The following CDH18 variants were observed in gnomAD, a reference collection of about 807,000 sequenced individuals.
CDH18 encodes the protein cadherin-18.
In CDH18, 31 loss-of-function variants were observed where a neutral mutation model predicts 67.9. That is an observed-to-expected ratio of 0.46 (90% CI 0.34 to 0.62). The LOEUF is 0.62. Ranked by LOEUF, CDH18 falls within the 20% of genes least tolerant of loss-of-function variation. The pLI, the probability that CDH18 is intolerant of heterozygous loss-of-function variation, is 0.01. For synonymous variants in CDH18, 362 were observed against 347.2 expected (o/e 1.04, Z -0.48); for missense variants, 890 against 975.5 (o/e 0.91, Z 1.17).
chr5:19,921,942 T>C (rs571866175), intron 2 of CDH18, among the ~76,000 whole-genome samples: 1 of 152,110 alleles, frequency 6.6e-6, no homozygotes, highest in South Asian at 2.1e-4. Flanking sequence ...GGATTCTAAA[T>C]CGAAAACCTT....
At chr5:20,059,231 T>A (rs992484938) in intron 2 of CDH18, among the ~76,000 whole-genome samples, 2 of 152,164 alleles carry the variant, frequency 1.3e-5, no homozygotes, top group African/African-American at 4.8e-5. Context: ...TTCTTCTTTA[T>A]TAGTCTGGCT....
intron 3 of CDH18, among the ~76,000 whole-genome samples, chr5:19,779,530 T>A (rs1037496499): frequency 6.6e-6 from 1 of 152,144 alleles, no homozygotes; most frequent in African/African-American, 2.4e-5. Flanking sequence ...GCTTCCATGT[T>A]TGGATGTAGG....
intron 1 of CDH18, among the ~76,000 whole-genome samples, chr5:20,302,554 C>T (rs112365852): frequency 2.0e-5 from 3 of 152,066 alleles, no homozygotes; most frequent in Non-Finnish European, 2.9e-5. Flanking sequence ...CACTGAAAGT[C>T]GAGCAAGAAC....
chr5:19,958,379 CAAAAAAAAAAA>C (rs57913629), intron 2 of CDH18, among the ~76,000 whole-genome samples: 1 of 66,632 alleles, frequency 1.5e-5, no homozygotes, highest in African/African-American at 5.3e-5. Context: ...TTTCCTTCAC[CAAAAAAAAAAA>C]AAAAAAAAAA....
At chr5:20,175,245 G>A (rs1030301916) in intron 2 of CDH18, among the ~76,000 whole-genome samples, 5 of 151,954 alleles carry the variant, frequency 3.3e-5, no homozygotes, top group Non-Finnish European at 7.4e-5. Flanking sequence ...AGGAGGAGGA[G>A]GAAACATAAG....
chr5:19,593,729 C>CTTG (rs1745676177), intron 6 of CDH18, among the ~76,000 whole-genome samples: 6 of 141,280 alleles, frequency 4.2e-5, no homozygotes, highest in African/African-American at 1.4e-4. Context: ...TCTTCTTCTT[C>CTTG]TTCTTCTTCT....
chr5:19,894,915 A>T (rs1204283970), intron 2 of CDH18, among the ~76,000 whole-genome samples: 2 of 152,140 alleles, frequency 1.3e-5, no homozygotes, highest in Middle Eastern at 3.4e-3. Context: ...CTGAAGGTGA[A>T]TTTTTCTCTC....
intron 10 of CDH18, among the ~76,000 whole-genome samples, chr5:19,517,454 G>A (rs1046683803): frequency 3.3e-5 from 5 of 152,026 alleles, no homozygotes; most frequent in African/African-American, 1.2e-4. Flanking sequence ...AACTGTTAAA[G>A]TTTGATGAAA....
chr5:19,693,721 A>C (rs1762193698), intron 5 of CDH18, among the ~76,000 whole-genome samples: 1 of 152,012 alleles, frequency 6.6e-6, no homozygotes. Context: ...ACATGGTGGA[A>C]CTCTGTCTCT....
chr5:20,488,985 G>T (rs1399598250), intron 1 of CDH18, among the ~76,000 whole-genome samples: 3 of 151,892 alleles, frequency 2.0e-5, no homozygotes, highest in Non-Finnish European at 4.4e-5. Context: ...TACAGTTACC[G>T]AATACAGACT....
intron 2 of CDH18, among the ~76,000 whole-genome samples, chr5:20,205,608 A>C (rs1271355258): frequency 2.6e-5 from 4 of 151,912 alleles, no homozygotes; most frequent in Non-Finnish European, 5.9e-5. Context: ...TATAGACTGT[A>C]TCTTAGGTGA....
chr5:19,500,925 G>T (rs1037871643), intron 11 of CDH18, among the ~76,000 whole-genome samples: 4 of 151,958 alleles, frequency 2.6e-5, no homozygotes, highest in African/African-American at 9.7e-5. Context: ...GAGGTCAGGA[G>T]TTTGAGACCA....
At chr5:19,475,986 A>G (rs930802676) in intron 12 of CDH18, among the ~76,000 whole-genome samples, 1 of 152,052 alleles carries the variant, frequency 6.6e-6, no homozygotes, top group Non-Finnish European at 1.5e-5. Context: ...TCTAATCTAT[A>G]TGGACTAGTT....
At chr5:20,147,791 T>C (rs1750771871) in intron 2 of CDH18, among the ~76,000 whole-genome samples, 1 of 152,142 alleles carries the variant, frequency 6.6e-6, no homozygotes, top group African/African-American at 2.4e-5. Context: ...GATGTTAAAA[T>C]GGGAATCTTC....
chr5:19,922,563 T>C (rs374686947), intron 2 of CDH18, among the ~76,000 whole-genome samples: 91 of 152,304 alleles, frequency 6.0e-4, no homozygotes, highest in African/African-American at 2.1e-3. Context: ...ACCTCCTTTC[T>C]CTATCTGCTG....
intron 5 of CDH18, among the ~76,000 whole-genome samples, chr5:19,639,087 C>A (rs1176183603): frequency 6.8e-6 from 1 of 146,828 alleles, no homozygotes. Flanking sequence ...ACTGCAAGCT[C>A]CGCCTCCTGG....
At chr5:20,022,308 G>C (rs1041363447) in intron 2 of CDH18, among the ~76,000 whole-genome samples, 2 of 152,172 alleles carry the variant, frequency 1.3e-5, no homozygotes, top group African/African-American at 4.8e-5. Flanking sequence ...AGCTGGTAAG[G>C]TTTGGAACCT....
intron 5 of CDH18, among the ~76,000 whole-genome samples, chr5:19,706,527 C>T (rs957413586): frequency 6.6e-6 from 1 of 152,202 alleles, no homozygotes; most frequent in Admixed American, 6.5e-5. Context: ...GGACATCACA[C>T]ATGTTCCCTG....
chr5:20,417,872 A>G (rs886356525), intron 1 of CDH18, among the ~76,000 whole-genome samples: 1 of 152,170 alleles, frequency 6.6e-6, no homozygotes, highest in Non-Finnish European at 1.5e-5. Flanking sequence ...TTATAACATC[A>G]TAGTAATTAG....
Sources: allele counts gnomAD v4.1 joint callset (sites outside exome capture counted in the v4.1 genomes callset), GRCh38; gene constraint gnomAD v4.1.1; transcripts MANE v1.5; gene names NCBI Gene and HGNC (gene_info 2026-07-23, HGNC 2026-07-21).